OVGP1: variants seen among roughly 807,000 people sequenced by gnomAD.
OVGP1 encodes the protein oviductal glycoprotein 1, also known as oviduct-specific glycoprotein.
In OVGP1, 26 loss-of-function variants were observed where a neutral mutation model predicts 48.2. The ratio of observed to expected loss-of-function variants is 0.54; its 90% CI spans 0.40 to 0.75. The LOEUF (loss-of-function observed/expected upper bound fraction) is 0.75, where lower values mean the gene tolerates loss of function less well. Ranked by LOEUF, OVGP1 falls within the 30% of genes least tolerant of loss-of-function variation. The pLI is 0.00. For missense variants in OVGP1, 791 were observed against 820.6 expected, an observed-to-expected ratio of 0.96 and a Z score of 0.44; for synonymous variants, 294 against 305.7, an observed-to-expected ratio of 0.96 and a Z score of 0.40.
Position 111,427,085 on chromosome 1 carries a change from A to T in OVGP1, c.32T>A (p.Val11Asp), listed in dbSNP as rs1184571121. The change falls in exon 2 of 11, where the codon GTT (valine) becomes GAT (aspartate). Residue 11 changes from valine (V) to aspartate (D), a missense_variant. Coordinates refer to ENST00000369732, the MANE Select transcript of OVGP1 (RefSeq NM_002557.4). MWKLLLWVGL[V>D]LVLKHHDGAA... ...ACCATCGTGGTGTTTCAGCACAAGA[A>T]CCAGCCCTGTGAGAAACAAAGGAAG... 1 of 1,614,090 alleles carries T rather than the reference A, an allele frequency of 6.2e-7. No individual in the cohort carries two copies. The highest frequency in any genetic ancestry group is 1.1e-5 in the South Asian group (1 of 91,078).
chr1:111,426,465 A>G lies in OVGP1; in HGVS notation c.232T>C (p.Tyr78His). The G allele has an allele frequency of 6.2e-7, 1 of 1,614,178 alleles. No homozygotes were observed. The highest frequency in any genetic ancestry group is 8.5e-7 in the Non-Finnish European group (1 of 1,180,000). Residue 78 changes from tyrosine (Y) to histidine (H), a missense_variant, in exon 3 of 11, where the codon TAC (tyrosine) becomes CAC (histidine). Transcript: ENST00000369732. ...AKDLQDEKIL[Y>H]PEFNKLKERN... The stretch of plus-strand genomic sequence containing the variant: ...TCCTTTAGTTTGTTGAACTCTGGGT[A>G]GAGAATTTTCTCATCCTGGAGATCC...
At chr1:111,423,747 A>T (rs1356921717) in intron 4 of OVGP1, 39 bp from the exon 5 acceptor site, 2 of 1,593,720 alleles carry the variant, frequency 1.3e-6, no homozygotes, top group Non-Finnish European at 1.7e-6. Flanking sequence ...AACTCTATCC[A>T]CAGAATCACA....
In OVGP1 at chr1:111,426,422, C is replaced by T; in HGVS notation, c.260+15G>A. 6.2e-7 allele frequency: 1 copy of T among 1,613,910 alleles called. No homozygotes were observed. The highest frequency in any genetic ancestry group is 8.5e-7 in the Non-Finnish European group (1 of 1,179,952). On this transcript the variant is annotated intron_variant, in intron 3 of 10. Coordinates refer to ENST00000369732, the MANE Select transcript of OVGP1 (RefSeq NM_002557.4). ...AAATCTGAAAATACAACCCCCACAT[C>T]CAATATGAACACACCTCTCCTTTAG...
At position 111,426,472 on chromosome 1, in the gene OVGP1, T is replaced by G; in HGVS notation, c.225A>C (p.Lys75Asn). Residue 75 changes from lysine (K) to asparagine (N), a missense_variant, in exon 3 of 11, where the codon AAA (lysine) becomes AAC (asparagine). Transcript: ENST00000369732. Reference protein sequence around the residue: ...QIVAKDLQDEKILYPEFNKLK... With the variant: ...QIVAKDLQDENILYPEFNKLK... Reference sequence around the variant, plus strand: ...GTTTGTTGAACTCTGGGTAGAGAATTTTCTCATCCTGGAGATCCTTAGCAA... The same window carrying G: ...GTTTGTTGAACTCTGGGTAGAGAATGTTCTCATCCTGGAGATCCTTAGCAA... 1 of 1,614,126 alleles carries G rather than the reference T, an allele frequency of 6.2e-7. No individual in the cohort carries two copies. Among genetic ancestry groups the G allele is most frequent in the African/African-American group, 1.3e-5 (1 of 75,030 alleles).
chr1:111,420,042 C>CT (rs3216054), intron 8 of OVGP1, among the ~76,000 whole-genome samples: 6,814 of 152,256 alleles, frequency 0.045, 259 homozygotes, highest in East Asian at 0.18. Context: ...ATACATGATC[C>CT]TTGACCAAAT....
intron 9 of OVGP1, 108 bp from the exon 10 acceptor site, chr1:111,416,566 T>C: frequency 2.1e-6 from 2 of 938,052 alleles, no homozygotes; most frequent in Non-Finnish European, 3.1e-6. Flanking sequence ...GCTGGGTGGT[T>C]AGGAGTGTAG....
chr1:111,424,583 T>G (rs539182737), intron 4 of OVGP1, among the ~76,000 whole-genome samples: 1 of 152,208 alleles, frequency 6.6e-6, no homozygotes, highest in Admixed American at 6.5e-5. Context: ...TTCCTGCAAG[T>G]GTTCACGGGA....
intron 6 of OVGP1, among the ~76,000 whole-genome samples, chr1:111,422,336 A>G (rs1271641416): frequency 6.6e-6 from 1 of 152,168 alleles, no homozygotes; most frequent in African/African-American, 2.4e-5. Context: ...ATACACAGGA[A>G]CATCCCATTT....
chr1:111,415,123 G>A lies in OVGP1; in HGVS notation c.1378C>T (p.Leu460Phe), dbSNP rs199525733. 71 of 1,614,134 alleles carry A rather than the reference G, an allele frequency of 4.4e-5. 1 individual carries two copies. In the East Asian group the frequency reaches 1.5e-3, roughly 34 times the overall value. ...TVTPTKETVSLGKHTVALGEK... is the reference protein window; with the variant it reads ...TVTPTKETVSFGKHTVALGEK... ...CCTAGAGCTACAGTGTGCTTTCCAAGGGATACAGTTTCCTTTGTAGGGGTC... is the reference window on the plus strand; with the variant it reads ...CCTAGAGCTACAGTGTGCTTTCCAAAGGATACAGTTTCCTTTGTAGGGGTC... The change falls in exon 11 of 11, where the codon CTT becomes TTT. Residue 460 changes from leucine (L) to phenylalanine (F), a missense_variant. Leu to Phe is a conservative substitution (Grantham distance 22, BLOSUM62 0). Coordinates refer to ENST00000369732, the MANE Select transcript of OVGP1 (RefSeq NM_002557.4).
Position 111,421,327 on chromosome 1 carries a change from T to A in OVGP1, c.852A>T (p.Pro284=), listed in dbSNP as rs1652262006. 1 of 1,613,860 alleles carries A rather than the reference T, an allele frequency of 6.2e-7. No individual in the cohort carries two copies. The highest frequency in any genetic ancestry group is 1.3e-5 in the African/African-American group (1 of 75,048). The change falls in exon 8 of 11, where the codon CCA becomes CCT. Residue 284 remains proline (P), a synonymous_variant. Coordinates refer to ENST00000369732, the MANE Select transcript of OVGP1 (RefSeq NM_002557.4). ...KNGLQARAIG[P]ASPGKYTKQE... ...GCTTGGTGTACTTCCCTGGAGATGC[T>A]GGTCCGATCGCTCTGGCCTGCAACC...
chr1:111,421,131 G>C (rs1571354692), intron 8 of OVGP1, 145 bp downstream of exon 8: 3 of 584,698 alleles, frequency 5.1e-6, no homozygotes, highest in Admixed American at 3.4e-5. Context: ...AAATATCCCA[G>C]AGAGTGGGTT....
At chr1:111,417,638 C>T (rs1432330713) in intron 9 of OVGP1, among the ~76,000 whole-genome samples, 1 of 152,092 alleles carries the variant, frequency 6.6e-6, no homozygotes, top group Non-Finnish European at 1.5e-5. Context: ...CACACACACA[C>T]ATGCACACAC....
chr1:111,427,573 A>T (rs1245756396), intron 1 of OVGP1, 124 bp downstream of exon 1: 1 of 1,234,688 alleles, frequency 8.1e-7, no homozygotes, highest in Admixed American at 1.7e-5. Context: ...GGCCCATCCC[A>T]TCTCTACCTA....
chr1:111,417,622 T>TACAC (rs150955515), intron 9 of OVGP1, among the ~76,000 whole-genome samples: 5 of 151,080 alleles, frequency 3.3e-5, no homozygotes, highest in East Asian at 3.9e-4. Context: ...TTTGTGTGTA[T>TACAC]ACACACACAC....
At chr1:111,416,666 T>TG (rs1352417622) in intron 9 of OVGP1, 2 of 394,832 alleles carry the variant, frequency 5.1e-6, no homozygotes, top group Non-Finnish European at 8.8e-6. Context: ...GCCTCATTTG[T>TG]GAAAAAAAAA....
chr1:111,426,741 C>A (rs1423855932), intron 2 of OVGP1, 100 bp from the exon 3 acceptor site: 1 of 1,552,238 alleles, frequency 6.4e-7, no homozygotes, highest in Admixed American at 2.0e-5. Context: ...GACCAGGCCA[C>A]ATTTTCACAT....
chr1:111,416,839 T>C (rs997883467), intron 9 of OVGP1, among the ~76,000 whole-genome samples: 35 of 151,784 alleles, frequency 2.3e-4, no homozygotes, highest in African/African-American at 7.0e-4. Flanking sequence ...GTACCTAGAG[T>C]AGTCAAATTC....
chr1:111,427,500 G>T, intron 1 of OVGP1, 197 bp downstream of exon 1: 1 of 564,592 alleles, frequency 1.8e-6, no homozygotes, highest in Non-Finnish European at 2.2e-6. Context: ...GGGCCACCAG[G>T]TTTGAGAACC....
chr1:111,419,584 G>T, intron 9 of OVGP1, 26 bp downstream of exon 9: 1 of 1,322,920 alleles, frequency 7.6e-7, no homozygotes, highest in Non-Finnish European at 1.1e-6. Flanking sequence ...ACCATGTGCT[G>T]GAGCATGAAA....
Sources: allele counts gnomAD v4.1 joint callset (sites outside exome capture counted in the v4.1 genomes callset), GRCh38; gene constraint gnomAD v4.1.1; transcripts MANE v1.5; gene names NCBI Gene and HGNC (gene_info 2026-07-23, HGNC 2026-07-21).